PTPRT: variants seen among roughly 807,000 people sequenced by gnomAD.
PTPRT encodes the protein protein tyrosine phosphatase receptor type T.
PTPRT carries 56 observed loss-of-function variants against 176.8 expected under a neutral mutation model. That is an observed-to-expected ratio of 0.32 (90% CI 0.26 to 0.40). The LOEUF is 0.40. PTPRT is among the 10% of genes least tolerant of loss of function. PTPRT has a pLI of 1.00. For synonymous variants in PTPRT, 783 were observed against 739.0 expected (o/e 1.06, Z -0.96); for missense variants, 1,540 against 1,908.2 (o/e 0.81, Z 3.60).
chr20:42,902,158 G>A (rs2079413811), intron 1 of PTPRT, among the ~76,000 whole-genome samples: 1 of 152,068 alleles, frequency 6.6e-6, no homozygotes, highest in African/African-American at 2.4e-5. Flanking sequence ...AGGAACATCT[G>A]GCTTTCTAAA....
intron 8 of PTPRT, 84 bp downstream of exon 8, chr20:42,472,182 A>G: frequency 6.9e-7 from 1 of 1,450,200 alleles, no homozygotes; most frequent in South Asian, 1.4e-5. Context: ...TGTAGGAAAA[A>G]TAAAAGCCTC....
chr20:42,526,469 C>T (rs772989857), intron 7 of PTPRT, among the ~76,000 whole-genome samples: 1 of 152,022 alleles, frequency 6.6e-6, no homozygotes, highest in African/African-American at 2.4e-5. Context: ...TACTTCACTC[C>T]TAATGGAAGC....
At position 42,686,902 on chromosome 20, in the gene PTPRT, C is replaced by A. The variant is rs534743686; in HGVS notation, c.860-8743G>T. Among the ~76,000 whole-genome samples the A allele has an allele frequency of 2.0e-5, 3 of 152,274 alleles. No homozygotes were observed. In the East Asian group the frequency reaches 5.8e-4, roughly 29 times the overall value. On this transcript the variant is annotated intron_variant, in intron 6 of 30. Transcript: ENST00000373187. ...TATTCGCAAATCCATGCTAAAGGAT[C>A]TGTTTTTTGGGGAAATCCAGTCTAA... is the stretch of plus-strand genomic sequence containing the variant.
chr20:43,147,243 C>T (rs1462183550), intron 1 of PTPRT, among the ~76,000 whole-genome samples: 2 of 152,134 alleles, frequency 1.3e-5, no homozygotes, highest in Non-Finnish European at 2.9e-5. Flanking sequence ...TAGTACCTTC[C>T]CTGGGTCTGA....
At chr20:43,094,589 G>A (rs1452187935) in intron 1 of PTPRT, among the ~76,000 whole-genome samples, 1 of 151,524 alleles carries the variant, frequency 6.6e-6, no homozygotes, top group Non-Finnish European at 1.5e-5. Context: ...GCAGAGATGA[G>A]GTTTCTCCAT....
At chr20:43,100,994 T>G (rs186918538) in intron 1 of PTPRT, among the ~76,000 whole-genome samples, 2 of 152,268 alleles carry the variant, frequency 1.3e-5, no homozygotes, top group Admixed American at 1.3e-4. Flanking sequence ...ATCCGAATAA[T>G]TTTTCCAAAA....
intron 7 of PTPRT, among the ~76,000 whole-genome samples, chr20:42,644,811 CA>C (rs1459925885): frequency 6.6e-6 from 1 of 152,146 alleles, no homozygotes; most frequent in African/African-American, 2.4e-5. Context: ...GCCTTAATCA[CA>C]ACACTTAGTC....
At chr20:42,812,689 A>G (rs943050921) in intron 2 of PTPRT, among the ~76,000 whole-genome samples, 1 of 152,074 alleles carries the variant, frequency 6.6e-6, no homozygotes, top group Non-Finnish European at 1.5e-5. Context: ...CAATTCTGTT[A>G]TATATACTAG....
intron 1 of PTPRT, among the ~76,000 whole-genome samples, chr20:42,904,311 C>T (rs1402686372): frequency 6.6e-6 from 1 of 152,116 alleles, no homozygotes. Flanking sequence ...CTGCAACTTG[C>T]TAAATCACAT....
intron 1 of PTPRT, among the ~76,000 whole-genome samples, chr20:43,069,549 T>C (rs938586660): frequency 6.6e-6 from 1 of 152,194 alleles, no homozygotes; most frequent in Non-Finnish European, 1.5e-5. Context: ...TGATCTATCC[T>C]TTATAATATT....
At chr20:42,169,743 A>AACACACACACACACACACAC (rs56329932) in intron 16 of PTPRT, among the ~76,000 whole-genome samples, 14 of 104,596 alleles carry the variant, frequency 1.3e-4, no homozygotes, top group African/African-American at 5.0e-4. Context: ...ACAATTTTCA[A>AACACACACACACACACACAC]ACACACACAC....
chr20:42,999,671 A>G (rs903107370), intron 1 of PTPRT, among the ~76,000 whole-genome samples: 9 of 151,500 alleles, frequency 5.9e-5, no homozygotes, highest in African/African-American at 2.2e-4. Context: ...GCTGGGCATG[A>G]TGGCGCATGC....
At chr20:43,108,608 C>G (rs1396247459) in intron 1 of PTPRT, among the ~76,000 whole-genome samples, 2 of 152,032 alleles carry the variant, frequency 1.3e-5, no homozygotes, top group Non-Finnish European at 2.9e-5. Context: ...ATCTGCCCCT[C>G]AAAGGTCTTC....
At chr20:43,157,720 A>G (rs2014564956) in intron 1 of PTPRT, among the ~76,000 whole-genome samples, 1 of 152,116 alleles carries the variant, frequency 6.6e-6, no homozygotes, top group South Asian at 2.1e-4. Flanking sequence ...TCTTATTGAG[A>G]AGTATGCTTT....
chr20:42,469,048 C>T lies in PTPRT; in HGVS notation c.1450+3218G>A, dbSNP rs79091933. On this transcript the variant is annotated intron_variant, in intron 8 of 30. Coordinates refer to ENST00000373187, the MANE Select transcript of PTPRT (RefSeq NM_007050.6). ...GGGAGCTGGGAAGTTTCTCAACTGC[C>T]GGGGATAGATGCTCCTTTGTGAATA... Among the ~76,000 whole-genome samples the T allele has an allele frequency of 8.0e-3, 1,222 of 151,922 alleles. 11 individuals carry two copies. Among genetic ancestry groups the T allele is most frequent in the Middle Eastern group, 0.014 (4 of 290 alleles).
At chr20:42,538,661 C>T (rs1342647604) in intron 7 of PTPRT, among the ~76,000 whole-genome samples, 1 of 152,122 alleles carries the variant, frequency 6.6e-6, no homozygotes, top group African/African-American at 2.4e-5. Flanking sequence ...GACAACTGAC[C>T]TCCAAAGGGA....
chr20:42,167,785 G>A (rs1989891651), intron 16 of PTPRT, among the ~76,000 whole-genome samples: 2 of 152,152 alleles, frequency 1.3e-5, no homozygotes, highest in Admixed American at 6.5e-5. Flanking sequence ...TAAAACATTG[G>A]ATTCAAATGT....
intron 1 of PTPRT, among the ~76,000 whole-genome samples, chr20:43,131,411 G>A (rs2013643157): frequency 6.6e-6 from 1 of 152,170 alleles, no homozygotes; most frequent in African/African-American, 2.4e-5. Flanking sequence ...TGACTTTCAT[G>A]CTGTTTTCAC....
At chr20:42,620,383 G>C (rs1458970948) in intron 7 of PTPRT, among the ~76,000 whole-genome samples, 5 of 149,532 alleles carry the variant, frequency 3.3e-5, no homozygotes, top group African/African-American at 1.3e-4. Flanking sequence ...AGAGGTTACT[G>C]CTGTCTTTTT....
Sources: allele counts gnomAD v4.1 joint callset (sites outside exome capture counted in the v4.1 genomes callset), GRCh38; gene constraint gnomAD v4.1.1; transcripts MANE v1.5; gene names NCBI Gene and HGNC (gene_info 2026-07-23, HGNC 2026-07-21).